The following LGMN variants were observed in gnomAD, a reference collection of about 807,000 sequenced individuals.
LGMN encodes the protein asparaginyl endopeptidase.
In LGMN, 36 loss-of-function variants were observed where a neutral mutation model predicts 56.8. The observed-to-expected ratio is 0.63, with a 90% CI of 0.49 to 0.84. LGMN has a LOEUF of 0.84. Among genes scored for constraint, LGMN ranks in the 40% least tolerant of loss-of-function variants. LGMN has a pLI of 0.00. For synonymous variants in LGMN, 199 were observed against 210.1 expected, an observed-to-expected ratio of 0.95 and a Z score of 0.46; for missense variants, 446 against 556.1, an observed-to-expected ratio of 0.80 and a Z score of 1.99.
intron 10 of LGMN, among the ~76,000 whole-genome samples, chr14:92,710,979 T>C (rs1889735209): frequency 6.6e-6 from 1 of 152,212 alleles, no homozygotes; most frequent in African/African-American, 2.4e-5. Flanking sequence ...GGAACAGATC[T>C]CAGCTGGCGA....
chr14:92,726,900 A>C (rs1890768365), intron 2 of LGMN, among the ~76,000 whole-genome samples: 1 of 152,226 alleles, frequency 6.6e-6, no homozygotes, highest in African/African-American at 2.4e-5. Flanking sequence ...ACTGACTTGA[A>C]CATGAGCACG....
intron 11 of LGMN, among the ~76,000 whole-genome samples, chr14:92,707,575 C>T (rs1437457453): frequency 6.6e-6 from 1 of 152,194 alleles, no homozygotes; most frequent in Non-Finnish European, 1.5e-5. Flanking sequence ...AGAGATACTC[C>T]CACATGTAAA....
At chr14:92,711,258 G>C (rs2140212249) in intron 10 of LGMN, among the ~76,000 whole-genome samples, 1 of 152,272 alleles carries the variant, frequency 6.6e-6, no homozygotes, top group Non-Finnish European at 1.5e-5. Flanking sequence ...AAAATCCAAG[G>C]TGCAGAGTGG....
chr14:92,738,130 A>G (rs951753969), intron 1 of LGMN, among the ~76,000 whole-genome samples: 1 of 152,230 alleles, frequency 6.6e-6, no homozygotes, highest in Non-Finnish European at 1.5e-5. Context: ...CAGAACGGAC[A>G]CCACCTACTT....
chr14:92,716,362 G>T (rs1029746274), intron 4 of LGMN, 141 bp from the exon 5 acceptor site: 2 of 681,742 alleles, frequency 2.9e-6, no homozygotes, highest in Non-Finnish European at 5.3e-6. Context: ...GTCGGGTGCC[G>T]TGGCTCACGC....
chr14:92,746,510 C>T (rs1215961620), intron 1 of LGMN, among the ~76,000 whole-genome samples: 5 of 152,184 alleles, frequency 3.3e-5, no homozygotes, highest in Admixed American at 2.0e-4. Context: ...AATCTTTTCT[C>T]CTCCCGTCCC....
chr14:92,743,801 CA>C (rs397853236), intron 1 of LGMN, among the ~76,000 whole-genome samples: 19,463 of 94,952 alleles, frequency 0.2, 2,218 homozygotes, highest in African/African-American at 0.42. Flanking sequence ...GACTCTGTCT[CA>C]AAAAAAAAAA....
Position 92,730,056 on chromosome 14 carries a change from A to G in LGMN, c.138+2593T>C, listed in dbSNP as rs536224887. Among the ~76,000 whole-genome samples, 19 of 152,344 alleles carry G rather than the reference A, an allele frequency of 1.2e-4. No homozygotes were observed. The South Asian group carries it at 3.7e-3, about 30-fold the overall frequency. ...CTACTCAATAATGTTTAATAAATAC[A>G]TTTTCTTAAAAGCTGGTTGTATAAA... is the stretch of plus-strand genomic sequence containing the variant. On this transcript the variant is annotated intron_variant, in intron 2 of 13. Transcript: ENST00000334869.
At chr14:92,734,990 C>A (rs1305489270) in intron 1 of LGMN, among the ~76,000 whole-genome samples, 2 of 152,148 alleles carry the variant, frequency 1.3e-5, no homozygotes, top group African/African-American at 4.8e-5. Context: ...GGAGGACGCA[C>A]CCAGATGAAG....
At chr14:92,744,736 C>T (rs1891741427) in intron 1 of LGMN, among the ~76,000 whole-genome samples, 1 of 151,914 alleles carries the variant, frequency 6.6e-6, no homozygotes, top group Admixed American at 6.6e-5. Context: ...GCTGGGATTA[C>T]AGGCATGCAC....
intron 1 of LGMN, among the ~76,000 whole-genome samples, chr14:92,740,642 C>G (rs535531017): frequency 6.6e-6 from 1 of 152,332 alleles, no homozygotes; most frequent in South Asian, 2.1e-4. Flanking sequence ...TCACAGTTTC[C>G]TCCGGCAGTA....
At chr14:92,716,404 G>A (rs949712295) in intron 4 of LGMN, among the ~76,000 whole-genome samples, 183 bp from the exon 5 acceptor site, 6 of 152,176 alleles carry the variant, frequency 3.9e-5, no homozygotes, top group African/African-American at 7.2e-5. Context: ...AGGCCGAAGC[G>A]GGCGGAACAC....
At chr14:92,736,907 G>A (rs1595562343) in intron 1 of LGMN, among the ~76,000 whole-genome samples, 1 of 152,092 alleles carries the variant, frequency 6.6e-6, no homozygotes, top group South Asian at 2.1e-4. Context: ...GAGGACAGGC[G>A]AGAGAGAGTC....
At chr14:92,706,237 A>C in intron 12 of LGMN, 1 of 396,210 alleles carries the variant, frequency 2.5e-6, no homozygotes, top group Middle Eastern at 6.6e-4. Context: ...CTGTTCTTCA[A>C]ACTAGAAGTG....
At chr14:92,723,262 G>A (rs1332445058) in intron 2 of LGMN, among the ~76,000 whole-genome samples, 2 of 152,000 alleles carry the variant, frequency 1.3e-5, no homozygotes, top group African/African-American at 2.4e-5. Context: ...GGTCAGGCTG[G>A]TCTCAAACTC....
intron 2 of LGMN, among the ~76,000 whole-genome samples, chr14:92,726,387 G>A (rs896119740): frequency 2.0e-5 from 3 of 152,068 alleles, no homozygotes; most frequent in South Asian, 2.1e-4. Context: ...CGCCAGCCTC[G>A]ATTTTTGCCC....
Position 92,732,653 on chromosome 14 carries a change from T to C in LGMN, c.134A>G (p.His45Arg). 6.2e-7 allele frequency: 1 copy of C among 1,613,684 alleles called. No individual in the cohort carries two copies. Among genetic ancestry groups the C allele is most frequent in the Non-Finnish European group, 8.5e-7 (1 of 1,179,892 alleles). ...AAAGATTAGTCATTTTCTTACCTGG[T>C]GCCTATAATTATACCAGCCATTTGA... ...AGSNGWYNYR[H>R]QADACHAYQI... The change falls in exon 2 of 14, where the codon CAC becomes CGC. Residue 45 changes from histidine (H) to arginine (R), a missense_variant. Transcript: ENST00000334869.
chr14:92,721,819 A>G (rs1890493450), intron 2 of LGMN, among the ~76,000 whole-genome samples: 1 of 152,110 alleles, frequency 6.6e-6, no homozygotes, highest in South Asian at 2.1e-4. Flanking sequence ...ACAACCCACT[A>G]CTCAGGTGAT....
At chr14:92,740,795 C>A (rs1891515089) in intron 1 of LGMN, among the ~76,000 whole-genome samples, 1 of 152,248 alleles carries the variant, frequency 6.6e-6, no homozygotes, top group South Asian at 2.1e-4. Context: ...CCTTTACAGA[C>A]TTCACCAGCC....
Sources: gnomAD v4.1 joint callset for allele counts (sites outside exome capture counted in the v4.1 genomes callset) on GRCh38, gnomAD v4.1.1 for gene constraint, MANE v1.5 for transcripts, NCBI Gene and HGNC (gene_info 2026-07-23, HGNC 2026-07-21) for gene names.